The following DOCK9 variants were observed in gnomAD, a reference collection of about 807,000 sequenced individuals.
DOCK9 encodes dedicator of cytokinesis protein 9.
Under a neutral mutation model 263.3 loss-of-function variants are expected in DOCK9, and 89 were observed. That is an observed-to-expected ratio of 0.34 (90% CI 0.28 to 0.40). The LOEUF (loss-of-function observed/expected upper bound fraction) is 0.40, where lower values mean the gene tolerates loss of function less well. Among genes scored for constraint, DOCK9 ranks in the 10% least tolerant of loss-of-function variants. DOCK9 has a pLI of 1.00. For missense variants in DOCK9, 2,140 were observed against 2,603.4 expected (o/e 0.82, Z 3.87); for synonymous variants, 976 against 973.1 (o/e 1.00, Z -0.06).
chr13:98,905,352 A>T (rs2048922817), intron 9 of DOCK9, among the ~76,000 whole-genome samples: 1 of 152,240 alleles, frequency 6.6e-6, no homozygotes, highest in South Asian at 2.1e-4. Flanking sequence ...GGGAGAGAGC[A>T]TATCAACAGG....
chr13:99,059,819 C>A (rs1596007732), intron 1 of DOCK9, among the ~76,000 whole-genome samples: 1 of 152,254 alleles, frequency 6.6e-6, no homozygotes, highest in East Asian at 1.9e-4. Flanking sequence ...CTCTCCATGC[C>A]CCTCCCTCCA....
chr13:99,041,920 T>C (rs751809378), intron 1 of DOCK9, among the ~76,000 whole-genome samples: 6 of 152,174 alleles, frequency 3.9e-5, no homozygotes, highest in Non-Finnish European at 7.3e-5. Context: ...AAAAATTCTC[T>C]CCTTAAGTCC....
At chr13:98,813,790 C>T (rs1303927157) in intron 45 of DOCK9, among the ~76,000 whole-genome samples, 1 of 152,102 alleles carries the variant, frequency 6.6e-6, no homozygotes, top group East Asian at 1.9e-4. Flanking sequence ...CAGGCATGTG[C>T]CACCATGCCC....
chr13:98,885,619 C>T, intron 20 of DOCK9, 89 bp downstream of exon 20: 1 of 1,410,446 alleles, frequency 7.1e-7, no homozygotes, highest in East Asian at 2.4e-5. Context: ...GATCCCTTTG[C>T]AAAAAGATGG....
chr13:98,851,710 T>C (rs746276561), intron 35 of DOCK9, among the ~76,000 whole-genome samples: 1 of 152,238 alleles, frequency 6.6e-6, no homozygotes, highest in Non-Finnish European at 1.5e-5. Context: ...TTTGGTTTTC[T>C]CTGTGTTAAC....
At chr13:98,808,558 A>T (rs930480064) in intron 47 of DOCK9, 1 of 960,104 alleles carries the variant, frequency 1.0e-6, no homozygotes, top group African/African-American at 1.6e-5. Flanking sequence ...AGCATGAAAC[A>T]AAAAACATCC....
In DOCK9 at chr13:98,845,936, T is replaced by A; in HGVS notation, c.4186A>T (p.Thr1396Ser). ...TCATGGGACTTACTGTGGTTAAAAG[T>A]GAGAGAGTTATCCAGGCTGCCCAGC... The part of the protein sequence containing the change: ...QQLGSLDNSL[T>S]FNHSYGHSDA... The change falls in exon 38 of 53, where the codon ACT (threonine) becomes TCT (serine). Residue 1396 changes from threonine (T) to serine (S), a missense_variant. Transcript: ENST00000682017. 1 of 1,613,322 alleles carries A rather than the reference T, an allele frequency of 6.2e-7. No homozygotes were observed. The highest frequency in any genetic ancestry group is 1.1e-5 in the South Asian group (1 of 90,836).
At chr13:98,798,151 T>C (rs2089662374) in intron 50 of DOCK9, among the ~76,000 whole-genome samples, 1 of 152,050 alleles carries the variant, frequency 6.6e-6, no homozygotes, top group South Asian at 2.1e-4. Context: ...GGTAAGAACG[T>C]GGTGAGAAAG....
chr13:99,027,660 A>G (rs573590550), intron 1 of DOCK9, among the ~76,000 whole-genome samples: 37 of 152,372 alleles, frequency 2.4e-4, no homozygotes, highest in Admixed American at 2.2e-3. Flanking sequence ...ATACAATTGC[A>G]ATTACAACCT....
At chr13:98,849,485 A>G (rs950362352) in intron 36 of DOCK9, among the ~76,000 whole-genome samples, 2 of 151,628 alleles carry the variant, frequency 1.3e-5, no homozygotes, top group Non-Finnish European at 2.9e-5. Flanking sequence ...AATGGGATAC[A>G]GTCTATATGT....
chr13:98,837,036 T>A (rs1032401985), intron 39 of DOCK9, among the ~76,000 whole-genome samples: 1 of 152,246 alleles, frequency 6.6e-6, no homozygotes, highest in African/African-American at 2.4e-5. Context: ...CCCTTTCATT[T>A]TCTATCTCCA....
chr13:98,935,023 G>A (rs1461045359), intron 2 of DOCK9, among the ~76,000 whole-genome samples: 1 of 152,164 alleles, frequency 6.6e-6, no homozygotes, highest in South Asian at 2.1e-4. Context: ...AAGTACAGAA[G>A]AGTATAGAGA....
At chr13:98,912,956 AATATG>A (rs1229663277) in intron 9 of DOCK9, among the ~76,000 whole-genome samples, 10 of 152,246 alleles carry the variant, frequency 6.6e-5, no homozygotes, top group Admixed American at 3.3e-4. Context: ...CTCAATGCAA[AATATG>A]ATACACAGAC....
chr13:99,055,995 G>A (rs562097277), intron 1 of DOCK9, among the ~76,000 whole-genome samples: 153 of 152,250 alleles, frequency 1.0e-3, no homozygotes, highest in African/African-American at 3.6e-3. Flanking sequence ...GACGTGGAAT[G>A]GTAACAACAA....
intron 1 of DOCK9, among the ~76,000 whole-genome samples, chr13:99,013,676 AGCAAG>A (rs1352007493): frequency 6.6e-6 from 1 of 152,184 alleles, no homozygotes; most frequent in Non-Finnish European, 1.5e-5. Flanking sequence ...AAGTAGAAAC[AGCAAG>A]GCAGCCTGGG....
intron 5 of DOCK9, among the ~76,000 whole-genome samples, chr13:98,922,873 T>C (rs2052288150): frequency 6.6e-6 from 1 of 152,214 alleles, no homozygotes; most frequent in African/African-American, 2.4e-5. Context: ...CCATGAGCTT[T>C]CCTCTAGGAA....
At chr13:98,844,986 G>A (rs1176113861) in intron 38 of DOCK9, among the ~76,000 whole-genome samples, 4 of 152,164 alleles carry the variant, frequency 2.6e-5, no homozygotes, top group South Asian at 2.1e-4. Flanking sequence ...GTCATGCTTG[G>A]AGAAGAGATG....
intron 1 of DOCK9, among the ~76,000 whole-genome samples, chr13:98,964,568 T>C (rs557004961): frequency 1.3e-5 from 2 of 152,098 alleles, no homozygotes; most frequent in Non-Finnish European, 2.9e-5. Context: ...CTAATAGATA[T>C]AAAATTGCTG....
chr13:98,971,662 C>T (rs762042562), intron 1 of DOCK9, among the ~76,000 whole-genome samples: 45 of 152,174 alleles, frequency 3.0e-4, no homozygotes, highest in African/African-American at 8.2e-4. Flanking sequence ...GAACCGAGAT[C>T]GCACCACTGC....
Sources: gnomAD v4.1 joint callset for allele counts (sites outside exome capture counted in the v4.1 genomes callset) on GRCh38, gnomAD v4.1.1 for gene constraint, MANE v1.5 for transcripts, NCBI Gene and HGNC (gene_info 2026-07-23, HGNC 2026-07-21) for gene names.